SCN3A: variants seen among roughly 807,000 people sequenced by gnomAD.
SCN3A encodes sodium channel protein type 3 subunit alpha.
Under a neutral mutation model 187.6 loss-of-function variants are expected in SCN3A, and 60 were observed. The ratio of observed to expected loss-of-function variants is 0.32; its 90% confidence interval spans 0.26 to 0.40. SCN3A has a LOEUF of 0.40. SCN3A is among the 10% of genes least tolerant of loss of function. The pLI is 1.00. For synonymous variants in SCN3A, 788 were observed against 829.2 expected (o/e 0.95, Z 0.85); for missense variants, 1,601 against 2,428.2 (o/e 0.66, Z 7.16).
chr2:165,089,771 C>T lies in SCN3A; in HGVS notation c.*379G>A, dbSNP rs1684988800. 1 of 193,694 alleles carries T rather than the reference C, an allele frequency of 5.2e-6. No individual in the cohort carries two copies. Among genetic ancestry groups the T allele is most frequent in the African/African-American group, 2.4e-5 (1 of 42,188 alleles). 12.0% of individuals were successfully genotyped at this position (193,694 alleles called of 1,614,324 possible). A position where few individuals can be genotyped will look rare whatever the true frequency, so the allele number is the denominator to read the frequency against. On this transcript the variant is annotated 3_prime_UTR_variant, in exon 28 of 28. Coordinates refer to ENST00000283254, the MANE Select transcript of SCN3A (RefSeq NM_006922.4). Reference sequence around the variant, plus strand: ...CTATGAATTGGGGACCATGGAAATGCACTAGAACAAATTTTGTAAAAATAT... The same window carrying T: ...CTATGAATTGGGGACCATGGAAATGTACTAGAACAAATTTTGTAAAAATAT...
chr2:165,099,269 A>G (rs1013763135), intron 22 of SCN3A, among the ~76,000 whole-genome samples: 1 of 152,116 alleles, frequency 6.6e-6, no homozygotes, highest in Non-Finnish European at 1.5e-5. Context: ...AATTCTACCG[A>G]GGGGCATGGC....
chr2:165,184,066 T>C (rs1197185782), intron 2 of SCN3A, among the ~76,000 whole-genome samples: 7 of 152,050 alleles, frequency 4.6e-5, no homozygotes, highest in South Asian at 2.1e-4. Context: ...TTTTTCCCAG[T>C]GAAATTTTCA....
At position 165,164,535 on chromosome 2, in the gene SCN3A, C is replaced by T; in HGVS notation, c.474-15G>A. The stretch of plus-strand genomic sequence containing the variant: ...TGAATGTGTACCTAGGAAAAACATC[C>T]AAGCCAAAATTAACAATTTTGCTTG... On this transcript the variant is annotated splice_polypyrimidine_tract_variant and intron_variant, in intron 5 of 27. Transcript: ENST00000283254. 1 of 1,613,006 alleles carries T rather than the reference C, an allele frequency of 6.2e-7. No homozygotes were observed. Among genetic ancestry groups the T allele is most frequent in the South Asian group, 1.1e-5 (1 of 91,006 alleles).
At chr2:165,190,262 T>C (rs1691504807) in intron 1 of SCN3A, among the ~76,000 whole-genome samples, 1 of 152,206 alleles carries the variant, frequency 6.6e-6, no homozygotes, top group South Asian at 2.1e-4. Context: ...GAGATTCTCC[T>C]TGTAGTAACT....
intron 21 of SCN3A, 96 bp downstream of exon 21, chr2:165,112,789 G>T: frequency 9.4e-7 from 1 of 1,060,198 alleles, no homozygotes; most frequent in Non-Finnish European, 1.4e-6. Flanking sequence ...GCATAATTAT[G>T]TCATTATTAG....
intron 3 of SCN3A, among the ~76,000 whole-genome samples, chr2:165,170,792 A>G (rs1167380331): frequency 6.6e-6 from 1 of 151,938 alleles, no homozygotes; most frequent in South Asian, 2.1e-4. Context: ...CAAACTGACA[A>G]TTCTACACAA....
At chr2:165,110,995 T>A (rs1289014790) in intron 21 of SCN3A, among the ~76,000 whole-genome samples, 1 of 152,216 alleles carries the variant, frequency 6.6e-6, no homozygotes, top group Admixed American at 6.5e-5. Context: ...AATGCAGTAG[T>A]TCAGTAACTG....
chr2:165,101,664 A>G (rs962109888), intron 21 of SCN3A, among the ~76,000 whole-genome samples: 1 of 152,232 alleles, frequency 6.6e-6, no homozygotes, highest in South Asian at 2.1e-4. Flanking sequence ...ATAAGAGAGA[A>G]ATTAATTCAT....
intron 1 of SCN3A, among the ~76,000 whole-genome samples, chr2:165,198,419 T>C (rs568960884): frequency 3.9e-5 from 6 of 152,136 alleles, no homozygotes; most frequent in East Asian, 1.9e-4. Flanking sequence ...ACTGGTTAGA[T>C]TGGCAAAAGG....
At chr2:165,144,237 C>T (rs1982210) in intron 12 of SCN3A, among the ~76,000 whole-genome samples, 32,383 of 151,998 alleles carry the variant, frequency 0.21, 3,431 homozygotes, top group East Asian at 0.31. Flanking sequence ...GTTTATGGTA[C>T]ATTTCTGCTT....
At chr2:165,186,854 G>C (rs1158270364) in intron 1 of SCN3A, 107 bp from the exon 2 acceptor site, 1 of 151,970 alleles carries the variant, frequency 6.6e-6, no homozygotes, top group Non-Finnish European at 1.5e-5. Flanking sequence ...TTATGGCCCT[G>C]GATCGAGAAA....
At chr2:165,168,301 AG>A (rs1559255905) in intron 5 of SCN3A, among the ~76,000 whole-genome samples, 1 of 152,100 alleles carries the variant, frequency 6.6e-6, no homozygotes, top group African/African-American at 2.4e-5. Context: ...TAGACATCTT[AG>A]ATGTATAATT....
intron 21 of SCN3A, among the ~76,000 whole-genome samples, chr2:165,105,464 C>T (rs967884952): frequency 2.0e-5 from 3 of 152,132 alleles, no homozygotes; most frequent in Admixed American, 1.3e-4. Context: ...CTGCTTCCAC[C>T]ACAGAGGAGC....
At chr2:165,165,815 A>G (rs1689721789) in intron 5 of SCN3A, among the ~76,000 whole-genome samples, 1 of 152,234 alleles carries the variant, frequency 6.6e-6, no homozygotes, top group Non-Finnish European at 1.5e-5. Context: ...AGAATAATTT[A>G]TGCAGATATC....
intron 12 of SCN3A, among the ~76,000 whole-genome samples, 179 bp from the exon 13 acceptor site, chr2:165,141,177 T>A (rs866703360): frequency 6.6e-6 from 1 of 152,198 alleles, no homozygotes; most frequent in African/African-American, 2.4e-5. Context: ...TAAAGCAAAT[T>A]TAAGTACAAA....
Position 165,113,964 on chromosome 2 carries a change from A to G in SCN3A, c.3521T>C (p.Ile1174Thr). The change falls in exon 20 of 28, where the codon ATT becomes ACT. Residue 1174 changes from isoleucine (I) to threonine (T), a missense_variant. Physicochemically the swap from Ile to Thr is moderately conservative, Grantham distance 89. Transcript: ENST00000283254. ...TACTTGACAGAATGGAAACTTTTTA[A>G]TACATCCTAAAAATCAAATATAGTT... ...KPEACFTEGC[I>T]KKFPFCQVST... The G allele has an allele frequency of 6.3e-7, 1 of 1,579,110 alleles. No homozygotes were observed. The highest frequency in any genetic ancestry group is 8.7e-7 in the Non-Finnish European group (1 of 1,153,798).
intron 21 of SCN3A, among the ~76,000 whole-genome samples, chr2:165,103,211 T>C (rs142039794): frequency 7.9e-5 from 12 of 152,272 alleles, no homozygotes; most frequent in African/African-American, 2.4e-4. Context: ...GCAACATACA[T>C]AAAGTTTGAA....
Position 165,131,295 on chromosome 2 carries a change from C to A in SCN3A, c.2514G>T (p.Glu838Asp). Residue 838 changes from glutamate to aspartate, a missense_variant, in exon 16 of 28, where the codon GAG becomes GAT. Coordinates refer to ENST00000283254, the MANE Select transcript of SCN3A (RefSeq NM_006922.4). ...ATCCCTCCACATTTGACAGACCAAG[C>A]TCCATTAAACTGAGGCTGACAATAA... ...DGIIVSLSLM[E>D]LGLSNVEGLS... The A allele has an allele frequency of 6.2e-7, 1 of 1,605,998 alleles. No individual in the cohort carries two copies. Among genetic ancestry groups the A allele is most frequent in the Non-Finnish European group, 8.5e-7 (1 of 1,175,080 alleles).
chr2:165,189,221 A>G (rs1200061424), intron 1 of SCN3A, among the ~76,000 whole-genome samples: 1 of 152,244 alleles, frequency 6.6e-6, no homozygotes, highest in African/African-American at 2.4e-5. Flanking sequence ...AGGATATAGT[A>G]TAAAGGACAT....
Sources: gnomAD v4.1 joint callset for allele counts (sites outside exome capture counted in the v4.1 genomes callset) on GRCh38, gnomAD v4.1.1 for gene constraint, MANE v1.5 for transcripts, NCBI Gene and HGNC (gene_info 2026-07-23, HGNC 2026-07-21) for gene names.